REDIC1: variants seen among roughly 807,000 people sequenced by gnomAD.
REDIC1 encodes regulator of DNA class I crossover intermediates 1.
At chr12:39,703,775 ACATATCT>A in the REDIC1 span, among the ~76,000 whole-genome samples, 1 of 152,156 alleles carries the variant, frequency 6.6e-6, no homozygotes, top group South Asian at 2.1e-4. Flanking sequence ...TAATAACGCC[ACATATCT>A]ACAACTATCT....
chr12:39,725,543 G>C, the REDIC1 span, among the ~76,000 whole-genome samples: 6 of 151,966 alleles, frequency 3.9e-5, no homozygotes, highest in Non-Finnish European at 8.8e-5. Context: ...TCGCAGTACT[G>C]TCTCTGTTGG....
At chr12:39,716,846 A>G in the REDIC1 span, 73 of 1,569,342 alleles carry the variant, frequency 4.7e-5, no homozygotes, top group Middle Eastern at 8.4e-4. Context: ...TTGGTAAGTG[A>G]TGCTTGTTTC....
chr12:39,748,392 C>T, the REDIC1 span, among the ~76,000 whole-genome samples: 1 of 152,118 alleles, frequency 6.6e-6, no homozygotes, highest in African/African-American at 2.4e-5. Context: ...TATATGCACC[C>T]AATACAGGAG....
At chr12:39,793,396 C>A in the REDIC1 span, among the ~76,000 whole-genome samples, 1 of 151,920 alleles carries the variant, frequency 6.6e-6, no homozygotes, top group Non-Finnish European at 1.5e-5. Context: ...TCAATTCATC[C>A]CAAATTGATC....
the REDIC1 span, among the ~76,000 whole-genome samples, chr12:39,896,377 T>TGTATATGTGTATATATGTATAC: frequency 2.3e-5 from 3 of 133,026 alleles, no homozygotes; most frequent in South Asian, 7.0e-4. Context: ...TGTATACATA[T>TGTATATGTGTATATATGTATAC]ATGTATGTAT....
At chr12:39,730,501 C>A in the REDIC1 span, among the ~76,000 whole-genome samples, 2 of 152,184 alleles carry the variant, frequency 1.3e-5, no homozygotes, top group East Asian at 3.9e-4. Context: ...TTTCTTCTGG[C>A]TTGTAGGGTT....
At chr12:39,707,083 A>T in the REDIC1 span, among the ~76,000 whole-genome samples, 1 of 152,034 alleles carries the variant, frequency 6.6e-6, no homozygotes, top group East Asian at 1.9e-4. Flanking sequence ...GAGACAACCC[A>T]CAATGGGAGA....
At chr12:39,734,429 A>G in the REDIC1 span, among the ~76,000 whole-genome samples, 1 of 152,222 alleles carries the variant, frequency 6.6e-6, no homozygotes, top group South Asian at 2.1e-4. Context: ...TTTTGATAAA[A>G]TCAAATTTGT....
At chr12:39,649,701 G>A in the REDIC1 span, among the ~76,000 whole-genome samples, 40 of 151,054 alleles carry the variant, frequency 2.6e-4, no homozygotes, top group Non-Finnish European at 5.2e-4. Flanking sequence ...ATTAGTGTTG[G>A]GCCAATATAA....
At chr12:39,847,748 G>T in the REDIC1 span, among the ~76,000 whole-genome samples, 1 of 151,888 alleles carries the variant, frequency 6.6e-6, no homozygotes, top group Admixed American at 6.6e-5. Context: ...GTTATTTTGG[G>T]TTCTTCTGTA....
chr12:39,627,129 A>C, the REDIC1 span, among the ~76,000 whole-genome samples: 1 of 152,212 alleles, frequency 6.6e-6, no homozygotes, highest in African/African-American at 2.4e-5. Flanking sequence ...ATTATATGTT[A>C]GATTATAATG....
chr12:39,884,385 A>T, the REDIC1 span, among the ~76,000 whole-genome samples: 1 of 152,216 alleles, frequency 6.6e-6, no homozygotes, highest in Non-Finnish European at 1.5e-5. Context: ...CAAACTTCGT[A>T]TTTTCTTAAA....
At chr12:39,672,324 G>A in the REDIC1 span, among the ~76,000 whole-genome samples, 2 of 152,078 alleles carry the variant, frequency 1.3e-5, no homozygotes, top group East Asian at 3.9e-4. Flanking sequence ...CGGTGTTTGA[G>A]CAGTGTGCCT....
the REDIC1 span, among the ~76,000 whole-genome samples, chr12:39,729,914 T>C: frequency 5.9e-5 from 9 of 152,252 alleles, no homozygotes; most frequent in Non-Finnish European, 1.3e-4. Context: ...CATTATGTAA[T>C]GTCCTTCTTT....
chr12:39,694,347 G>A, the REDIC1 span, among the ~76,000 whole-genome samples: 1 of 152,156 alleles, frequency 6.6e-6, no homozygotes, highest in Non-Finnish European at 1.5e-5. Context: ...GAACAGGTAG[G>A]AAAAACAGTC....
the REDIC1 span, chr12:39,643,820 A>C: frequency 6.4e-7 from 1 of 1,556,510 alleles, no homozygotes; most frequent in East Asian, 2.3e-5. Context: ...AAATGAAATC[A>C]CTGGGAGTTT....
the REDIC1 span, among the ~76,000 whole-genome samples, chr12:39,866,739 A>G: frequency 6.6e-6 from 1 of 152,174 alleles, no homozygotes; most frequent in South Asian, 2.1e-4. Flanking sequence ...TCGGCCTCCC[A>G]AAGTGCTGGG....
At chr12:39,751,869 A>G in the REDIC1 span, among the ~76,000 whole-genome samples, 2 of 152,286 alleles carry the variant, frequency 1.3e-5, no homozygotes. Flanking sequence ...ACTTGGACAC[A>G]GGAAGGGGAA....
At chr12:39,748,372 A>G in the REDIC1 span, among the ~76,000 whole-genome samples, 1 of 152,268 alleles carries the variant, frequency 6.6e-6, no homozygotes, top group Non-Finnish European at 1.5e-5. Flanking sequence ...AGAGCTAACT[A>G]TCTTAAATAT....
Sources: gnomAD v4.1 joint callset for allele counts (sites outside exome capture counted in the v4.1 genomes callset) on GRCh38, gnomAD v4.1.1 for gene constraint, MANE v1.5 for transcripts, NCBI Gene and HGNC (gene_info 2026-07-23, HGNC 2026-07-21) for gene names.